ITPKB: variants seen among roughly 807,000 people sequenced by gnomAD.
ITPKB encodes inositol-trisphosphate 3-kinase B.
A neutral mutation model predicts 69.4 loss-of-function variants in ITPKB; 13 were observed. The ratio of observed to expected loss-of-function variants is 0.19; its 90% CI spans 0.12 to 0.30. The LOEUF is 0.30. ITPKB is among the 10% of genes least tolerant of loss of function. The pLI is 1.00. For synonymous variants in ITPKB, 584 were observed against 513.7 expected, an observed-to-expected ratio of 1.14 and a Z score of -1.85; for missense variants, 1,240 against 1,250.5, an observed-to-expected ratio of 0.99 and a Z score of 0.13.
chr1:226,664,013 C>T (rs1443719174), intron 2 of ITPKB, among the ~76,000 whole-genome samples: 4 of 152,188 alleles, frequency 2.6e-5, no homozygotes, highest in African/African-American at 4.8e-5. Flanking sequence ...AACAGAGCAT[C>T]GACATCCGTA....
intron 2 of ITPKB, among the ~76,000 whole-genome samples, chr1:226,669,425 G>A (rs549140879): frequency 6.6e-6 from 1 of 152,116 alleles, no homozygotes; most frequent in East Asian, 1.9e-4. Context: ...TACTCCTGGT[G>A]TAAAATATGC....
At chr1:226,636,095 G>T (rs886649588) in intron 7 of ITPKB, among the ~76,000 whole-genome samples, 1 of 152,260 alleles carries the variant, frequency 6.6e-6, no homozygotes, top group Admixed American at 6.5e-5. Context: ...GCTTTTCCAA[G>T]AAATAAAAGC....
At chr1:226,659,431 A>G (rs1196656948) in intron 2 of ITPKB, among the ~76,000 whole-genome samples, 3 of 151,300 alleles carry the variant, frequency 2.0e-5, no homozygotes, top group Non-Finnish European at 4.4e-5. Flanking sequence ...TGGCGTGCCC[A>G]CTCCAATCCG....
chr1:226,645,391 G>A (rs1037349973), intron 4 of ITPKB, among the ~76,000 whole-genome samples: 13 of 152,176 alleles, frequency 8.5e-5, no homozygotes, highest in Admixed American at 3.3e-4. Flanking sequence ...GAGAAGCTGC[G>A]GAAGTCAAGC....
chr1:226,737,580 A>G lies in ITPKB; in HGVS notation c.-122T>C. 8.4e-7 allele frequency: 1 copy of G among 1,195,882 alleles called. No homozygotes were observed. Among genetic ancestry groups the G allele is most frequent in the African/African-American group, 1.6e-5 (1 of 62,400 alleles). 74.1% of individuals were successfully genotyped at this position (1,195,882 alleles called of 1,614,324 possible). A position where few individuals can be genotyped will look rare whatever the true frequency, so the allele number is the denominator to read the frequency against. On this transcript the variant is annotated 5_prime_UTR_variant, in exon 2 of 8. Coordinates refer to ENST00000429204, the MANE Select transcript of ITPKB (RefSeq NM_002221.4). ...CCGGCAGCCGCGGCTCCGCGCGCAG[A>G]TGGGGCGGCATGGCCTGGGCAGCGG...
chr1:226,699,916 G>T (rs1156734734), intron 2 of ITPKB, among the ~76,000 whole-genome samples: 1 of 152,168 alleles, frequency 6.6e-6, no homozygotes. Flanking sequence ...AGCAAGGAGA[G>T]CTGGTCCAAG....
At chr1:226,707,587 A>G in intron 2 of ITPKB, 1 of 986,596 alleles carries the variant, frequency 1.0e-6, no homozygotes, top group Non-Finnish European at 1.2e-6. Flanking sequence ...TGCCATCAAC[A>G]TGTTCGGGCA....
intron 2 of ITPKB, among the ~76,000 whole-genome samples, chr1:226,704,177 GAA>G (rs1284169654): frequency 6.6e-6 from 1 of 152,042 alleles, no homozygotes; most frequent in African/African-American, 2.4e-5. Context: ...TTTACAGTAT[GAA>G]AAAAGAGTGA....
At chr1:226,719,691 T>A (rs1294521589) in intron 2 of ITPKB, among the ~76,000 whole-genome samples, 2 of 152,254 alleles carry the variant, frequency 1.3e-5, no homozygotes, top group Admixed American at 6.5e-5. Context: ...GTTGGACTCA[T>A]GCGCAGGCCG....
intron 2 of ITPKB, among the ~76,000 whole-genome samples, chr1:226,731,799 G>C (rs1288358270): frequency 1.3e-5 from 2 of 152,052 alleles, no homozygotes; most frequent in African/African-American, 4.8e-5. Flanking sequence ...ATGTACCTGA[G>C]AGAAGAAGGG....
At chr1:226,710,666 G>A (rs1045525261) in intron 2 of ITPKB, among the ~76,000 whole-genome samples, 4 of 152,188 alleles carry the variant, frequency 2.6e-5, no homozygotes, top group African/African-American at 7.2e-5. Flanking sequence ...GCTGGGACAC[G>A]CTTGGTATTT....
Position 226,639,559 on chromosome 1 carries a change from G to A in ITPKB, c.2551C>T (p.Leu851=). ...CTCTCTGGAGGTGCCAGACTCACCAGGATGTTATGGTTTCCTTTAGTGAAC... is the reference window on the plus strand; with the variant it reads ...CTCTCTGGAGGTGCCAGACTCACCAAGATGTTATGGTTTCCTTTAGTGAAC... ...REFTKGNHNI[L]IAYRDRLKAI... Residue 851 remains leucine, a splice_region_variant and synonymous_variant, in exon 6 of 8, where the codon CTG becomes TTG. Transcript: ENST00000429204. The A allele has an allele frequency of 6.3e-7, 1 of 1,599,076 alleles. No individual in the cohort carries two copies. The highest frequency in any genetic ancestry group is 8.6e-7 in the Non-Finnish European group (1 of 1,166,264).
chr1:226,722,874 A>C (rs1203409655), intron 2 of ITPKB, among the ~76,000 whole-genome samples: 2 of 151,544 alleles, frequency 1.3e-5, no homozygotes, highest in Admixed American at 6.6e-5. Context: ...AAAGGTTTGA[A>C]TAGATCATCC....
intron 2 of ITPKB, chr1:226,656,588 T>A (rs141054729): frequency 0.011 from 1,630 of 152,364 alleles, 38 homozygotes; most frequent in African/African-American, 0.037. Context: ...GCCAGGCCCA[T>A]AGTGGTTTCA....
chr1:226,692,362 A>C (rs887888641), intron 2 of ITPKB, among the ~76,000 whole-genome samples: 21 of 152,184 alleles, frequency 1.4e-4, no homozygotes, highest in African/African-American at 4.6e-4. Flanking sequence ...GGGTAAAAGG[A>C]AGATCATCCC....
intron 4 of ITPKB, among the ~76,000 whole-genome samples, chr1:226,644,690 CA>C: frequency 6.6e-6 from 1 of 152,342 alleles, no homozygotes; most frequent in East Asian, 1.9e-4. Context: ...CCGCCATGCC[CA>C]GCATTGTTTG....
At chr1:226,653,012 C>A (rs549966312) in intron 2 of ITPKB, among the ~76,000 whole-genome samples, 1 of 152,158 alleles carries the variant, frequency 6.6e-6, no homozygotes, top group Non-Finnish European at 1.5e-5. Flanking sequence ...GATAGGAGGG[C>A]CCATTTCTGC....
At chr1:226,685,307 T>C (rs1250679959) in intron 2 of ITPKB, among the ~76,000 whole-genome samples, 1 of 152,138 alleles carries the variant, frequency 6.6e-6, no homozygotes, top group African/African-American at 2.4e-5. Context: ...GCACCCTGGC[T>C]CCACGCATGC....
At chr1:226,647,484 G>A in intron 3 of ITPKB, 104 bp from the exon 4 acceptor site, 1 of 791,866 alleles carries the variant, frequency 1.3e-6, no homozygotes, top group Non-Finnish European at 2.1e-6. Context: ...GGCTAAGCCT[G>A]GGGCTGAAGG....
Sources: allele counts gnomAD v4.1 joint callset (sites outside exome capture counted in the v4.1 genomes callset), GRCh38; gene constraint gnomAD v4.1.1; transcripts MANE v1.5; gene names NCBI Gene and HGNC (gene_info 2026-07-23, HGNC 2026-07-21).